Variants in COL4A1 observed in about 807,000 individuals in gnomAD.
The protein encoded by COL4A1 is collagen type IV alpha 1 chain.
A neutral mutation model predicts 216.6 loss-of-function variants in COL4A1; 40 were observed. The observed-to-expected ratio is 0.18, with a 90% CI of 0.14 to 0.24. COL4A1 has a LOEUF of 0.24. COL4A1 is among the 10% of genes least tolerant of loss of function. The pLI is 1.00. For missense variants in COL4A1, 1,628 were observed against 2,196.8 expected (o/e 0.74, Z 5.18); for synonymous variants, 839 against 810.7 (o/e 1.03, Z -0.59).
Position 110,178,239 on chromosome 13 carries a change from T to C in COL4A1, c.2459-8A>G. 1 of 1,613,656 alleles carries C rather than the reference T, an allele frequency of 6.2e-7. No individual in the cohort carries two copies. Among genetic ancestry groups the C allele is most frequent in the Non-Finnish European group, 8.5e-7 (1 of 1,180,026 alleles). On this transcript the variant is annotated splice_polypyrimidine_tract_variant and splice_region_variant and intron_variant, in intron 31 of 51. Coordinates refer to ENST00000375820, the MANE Select transcript of COL4A1 (RefSeq NM_001845.6). Reference sequence around the variant, plus strand: ...CTTTTATTCCAGGAGGGCCTGCAGTTGGGTGAAACACAAATAACTTTTAGC... The same window carrying C: ...CTTTTATTCCAGGAGGGCCTGCAGTCGGGTGAAACACAAATAACTTTTAGC...
chr13:110,239,624 T>C (rs1594080312), intron 2 of COL4A1, among the ~76,000 whole-genome samples: 1 of 152,226 alleles, frequency 6.6e-6, no homozygotes, highest in Non-Finnish European at 1.5e-5. Flanking sequence ...ACCAGTAGAT[T>C]TGTATTCCAT....
At chr13:110,200,829 TAAC>T in intron 20 of COL4A1, 22 bp downstream of exon 20, 3 of 1,612,360 alleles carry the variant, frequency 1.9e-6, no homozygotes, top group Non-Finnish European at 2.5e-6. Context: ...AAGTATGCTA[TAAC>T]AAATCAGTTA....
At chr13:110,261,475 T>C (rs564330089) in intron 1 of COL4A1, among the ~76,000 whole-genome samples, 16 of 152,374 alleles carry the variant, frequency 1.1e-4, no homozygotes, top group Non-Finnish European at 1.6e-4. Context: ...ACCCCAGTGC[T>C]GCTTCTGTGG....
Position 110,162,332 on chromosome 13 carries a change from T to C in COL4A1, c.4360A>G (p.Thr1454Ala). The C allele has an allele frequency of 6.2e-7, 1 of 1,614,236 alleles. No homozygotes were observed. Among genetic ancestry groups the C allele is most frequent in the Non-Finnish European group, 8.5e-7 (1 of 1,180,032 alleles). The change falls in exon 48 of 52, where the codon ACA becomes GCA. Residue 1454 changes from threonine to alanine, a missense_variant. Physicochemically the swap from Thr to Ala is moderately conservative, Grantham distance 58 (BLOSUM62 0). Around this residue, in one of 8 missense-constraint regions of COL4A1, gnomAD observed 254 missense variants for 300.1 expected, o/e 0.85. Transcript: ENST00000375820. ...HGFLVTRHSQ[T>A]IDDPQCPSGT... ...GAAGGACACTGTGGGTCATCTATTG[T>C]TTGACTATGCCTGGTCACAAGGAAG...
At chr13:110,201,747 G>C (rs573918357) in intron 18 of COL4A1, 48 of 683,434 alleles carry the variant, frequency 7.0e-5, no homozygotes, top group Admixed American at 2.7e-4. Context: ...ACTTTGGGAG[G>C]CTGAGGCAGG....
At chr13:110,235,256 A>G (rs1337522088) in intron 2 of COL4A1, among the ~76,000 whole-genome samples, 3 of 152,238 alleles carry the variant, frequency 2.0e-5, no homozygotes, top group Non-Finnish European at 4.4e-5. Context: ...GCTTGAGTAA[A>G]GAATTTAGTA....
At chr13:110,175,462 A>G in intron 36 of COL4A1, 105 bp from the exon 37 acceptor site, 1 of 1,547,384 alleles carries the variant, frequency 6.5e-7, no homozygotes, top group African/African-American at 1.4e-5. Flanking sequence ...CAAGAACGTG[A>G]ATCCCCCACA....
At chr13:110,206,512 C>T in intron 15 of COL4A1, 153 bp downstream of exon 15, 2 of 866,226 alleles carry the variant, frequency 2.3e-6, no homozygotes, top group Non-Finnish European at 3.8e-6. Context: ...ACTGATATAG[C>T]TCAGGAGAGT....
chr13:110,257,563 A>G (rs1311250313), intron 1 of COL4A1, among the ~76,000 whole-genome samples: 3 of 152,218 alleles, frequency 2.0e-5, no homozygotes, highest in Non-Finnish European at 2.9e-5. Flanking sequence ...TGGTCTCTCA[A>G]TGACATACAC....
chr13:110,300,205 GAACA>G (rs776408417), intron 1 of COL4A1, among the ~76,000 whole-genome samples: 6 of 152,144 alleles, frequency 3.9e-5, no homozygotes, highest in Admixed American at 1.3e-4. Context: ...CTGAAACAGA[GAACA>G]AATACTGACC....
At chr13:110,254,168 C>T (rs1478493570) in intron 1 of COL4A1, among the ~76,000 whole-genome samples, 1 of 152,156 alleles carries the variant, frequency 6.6e-6, no homozygotes, top group Non-Finnish European at 1.5e-5. Context: ...GATCACTTAG[C>T]TCCTATCAGA....
intron 46 of COL4A1, among the ~76,000 whole-genome samples, chr13:110,163,939 T>G (rs1877203788): frequency 6.6e-6 from 1 of 152,042 alleles, no homozygotes. Context: ...ATAGTTTTTT[T>G]GTTTTCATGT....
intron 2 of COL4A1, among the ~76,000 whole-genome samples, chr13:110,219,880 A>G (rs142443772): frequency 0.16 from 16,487 of 102,814 alleles, 1,767 homozygotes; most frequent in Non-Finnish European, 0.22. Flanking sequence ...GTATATATGT[A>G]TATATATGTG....
intron 1 of COL4A1, among the ~76,000 whole-genome samples, chr13:110,272,947 A>G (rs1465300870): frequency 6.6e-5 from 10 of 152,220 alleles, no homozygotes. Flanking sequence ...AGATATGCCC[A>G]AAGGGAATCC....
chr13:110,247,104 T>C (rs1881852188), intron 1 of COL4A1, among the ~76,000 whole-genome samples: 1 of 152,140 alleles, frequency 6.6e-6, no homozygotes, highest in East Asian at 1.9e-4. Context: ...TTATTTATAC[T>C]CCTAAAACTG....
Position 110,207,610 on chromosome 13 carries a change from A to C in COL4A1, c.694-121T>G, listed in dbSNP as rs558455636. 3.0e-4 allele frequency: 230 copies of C among 754,678 alleles called. No individual in the cohort carries two copies. Among genetic ancestry groups the C allele is most frequent in the Non-Finnish European group, 4.4e-4 (197 of 445,806 alleles). 46.7% of individuals were successfully genotyped at this position (754,678 alleles called of 1,614,324 possible). A position where few individuals can be genotyped will look rare whatever the true frequency, so the allele number is the denominator to read the frequency against. On this transcript the variant is annotated intron_variant, in intron 12 of 51. Transcript: ENST00000375820. The surrounding 1 kb of genome is among the most constrained non-coding windows in gnomAD (Gnocchi z 4.4). ...TATTTTTAAAATGTAATTATACTCT[A>C]TTCTGTTCTAATCATCCTTGCCTCT...
At chr13:110,165,495 TGC>T (rs1877294703) in intron 45 of COL4A1, among the ~76,000 whole-genome samples, 1 of 152,052 alleles carries the variant, frequency 6.6e-6, no homozygotes, top group South Asian at 2.1e-4. Context: ...CCACACAAAG[TGC>T]GAGTTCCCCT....
intron 17 of COL4A1, 162 bp downstream of exon 17, chr13:110,205,191 C>T (rs1216674856): frequency 1.3e-6 from 1 of 764,998 alleles, no homozygotes; most frequent in African/African-American, 1.8e-5. Flanking sequence ...TGTAAAAAAT[C>T]ATGAACATAA....
chr13:110,263,446 T>C (rs1477942272), intron 1 of COL4A1, among the ~76,000 whole-genome samples: 1 of 152,176 alleles, frequency 6.6e-6, no homozygotes, highest in Non-Finnish European at 1.5e-5. Flanking sequence ...CTGCGTATTA[T>C]TCTTATTATT....
Sources: allele counts gnomAD v4.1 joint callset (sites outside exome capture counted in the v4.1 genomes callset), GRCh38; gene constraint gnomAD v4.1.1; regional missense constraint gnomAD v4.1.1; non-coding constraint Gnocchi (gnomAD v3.1); transcripts MANE v1.5; gene names NCBI Gene and HGNC (gene_info 2026-07-23, HGNC 2026-07-21).